Variants in SMOC1 observed in about 807,000 individuals in gnomAD.
SMOC1 encodes SPARC related modular calcium binding 1.
In SMOC1, 22 loss-of-function variants were observed where a neutral mutation model predicts 56.3. The observed-to-expected ratio is 0.39, with a 90% CI of 0.28 to 0.56. The LOEUF (loss-of-function observed/expected upper bound fraction) is 0.56, where lower values mean the gene tolerates loss of function less well. Ranked by LOEUF, SMOC1 falls within the 20% of genes least tolerant of loss-of-function variation. SMOC1 has a pLI of 0.61. For synonymous variants in SMOC1, 193 were observed against 215.0 expected (o/e 0.90, Z 0.89); for missense variants, 509 against 565.4 (o/e 0.90, Z 1.01).
At chr14:69,996,445 G>A (rs567289028) in intron 7 of SMOC1, among the ~76,000 whole-genome samples, 1 of 152,332 alleles carries the variant, frequency 6.6e-6, no homozygotes, top group South Asian at 2.1e-4. Flanking sequence ...TTATCCTTGG[G>A]AATAGAATGC....
chr14:69,879,797 T>C lies in SMOC1; in HGVS notation c.99+20T>C, dbSNP rs1001466151. On this transcript the variant is annotated intron_variant, in intron 1 of 11. Transcript: ENST00000361956. ...CCCAGGGTAAGTGCGCCCCCAGCTT[T>C]GCGCCCACCTGCGGAGGGAGGGGAG... 1 of 1,568,016 alleles carries C rather than the reference T, an allele frequency of 6.4e-7. No homozygotes were observed. The highest frequency in any genetic ancestry group is 1.4e-5 in the African/African-American group (1 of 74,046).
rs573207858 is a variant in SMOC1, at chr14:69,918,785, T to C, written c.100-33353T>C. 8.5e-5 allele frequency among the ~76,000 whole-genome samples: 13 copies of C among 152,300 alleles called. No individual in the cohort carries two copies. In the South Asian group the frequency reaches 2.3e-3, roughly 27 times the overall value. On this transcript the variant is annotated intron_variant, in intron 1 of 11. Transcript: ENST00000361956. ...TGTTATTATTCTGAGAGGTAACACT[T>C]TTCATAGCTGCCCAGCTGCCACAGA...
chr14:69,944,553 AG>A (rs1882709839), intron 1 of SMOC1, among the ~76,000 whole-genome samples: 1 of 152,214 alleles, frequency 6.6e-6, no homozygotes, highest in Non-Finnish European at 1.5e-5. Context: ...AAATGAATTT[AG>A]GGTGTCAAAA....
intron 7 of SMOC1, among the ~76,000 whole-genome samples, chr14:70,007,581 A>G (rs1375001007): frequency 6.6e-6 from 1 of 152,216 alleles, no homozygotes; most frequent in African/African-American, 2.4e-5. Context: ...CACTGTAAAA[A>G]TAAATTTATT....
chr14:69,913,859 A>C (rs1045498986), intron 1 of SMOC1, among the ~76,000 whole-genome samples: 2 of 152,218 alleles, frequency 1.3e-5, no homozygotes, highest in African/African-American at 4.8e-5. Context: ...ATGTTTCCTT[A>C]TCTCCTTGGC....
chr14:69,923,927 C>T (rs1347918549), intron 1 of SMOC1, among the ~76,000 whole-genome samples: 1 of 152,124 alleles, frequency 6.6e-6, no homozygotes, highest in East Asian at 1.9e-4. Context: ...GTGTAACCTC[C>T]CTAGGGTCCC....
chr14:69,927,951 CAG>C (rs1230609791), intron 1 of SMOC1, among the ~76,000 whole-genome samples: 2 of 152,144 alleles, frequency 1.3e-5, no homozygotes, highest in East Asian at 3.9e-4. Context: ...GAAGAATAAA[CAG>C]AGGGGTGAAG....
chr14:69,927,081 A>AT (rs1885032400), intron 1 of SMOC1, among the ~76,000 whole-genome samples: 1 of 152,228 alleles, frequency 6.6e-6, no homozygotes, highest in South Asian at 2.1e-4. Context: ...TTATCATGCC[A>AT]TTTTACAGAT....
chr14:70,011,464 C>G (rs200832367), intron 8 of SMOC1, 21 bp from the exon 9 acceptor site: 2 of 1,584,856 alleles, frequency 1.3e-6, no homozygotes, highest in East Asian at 2.2e-5. Context: ...CCCAACCCCC[C>G]CCATATCTCT....
chr14:69,922,861 G>A (rs950072073), intron 1 of SMOC1, among the ~76,000 whole-genome samples: 2 of 152,000 alleles, frequency 1.3e-5, no homozygotes, highest in Non-Finnish European at 2.9e-5. Flanking sequence ...CCCATCTGTT[G>A]TCACATCAAC....
At position 69,966,430 on chromosome 14, in the gene SMOC1, T is replaced by C. The variant is rs115692282; in HGVS notation, c.379-9285T>C. Reference sequence around the variant, plus strand: ...ATTCTTCACCATATAATTGGATTGGTGGTCTTAACACTGACAATTAGGTAC... The same window carrying C: ...ATTCTTCACCATATAATTGGATTGGCGGTCTTAACACTGACAATTAGGTAC... On this transcript the variant is annotated intron_variant, in intron 3 of 11. Transcript: ENST00000361956. 9.4e-3 allele frequency among the ~76,000 whole-genome samples: 1,434 copies of C among 152,344 alleles called. 14 individuals are homozygous for C. The highest frequency in any genetic ancestry group is 0.033 in the African/African-American group (1,371 of 41,572).
Position 70,030,381 on chromosome 14 carries a change from G to T in SMOC1, c.*123G>T. On this transcript the variant is annotated 3_prime_UTR_variant, in exon 12 of 12. Transcript: ENST00000361956. ...GTGTAACATAAGTGGTGCCCACCAT[G>T]TTTGCACTTTTAATAACTCTTACTT... 7.9e-7 allele frequency: 1 copy of T among 1,270,388 alleles called. No individual in the cohort carries two copies. The highest frequency in any genetic ancestry group is 1.3e-5 in the South Asian group (1 of 75,716). The allele number at this position is 1,270,388 out of a possible 1,614,324, so 78.7% of individuals were successfully genotyped here. A position where few individuals can be genotyped will look rare whatever the true frequency, so the allele number is the denominator to read the frequency against.
intron 9 of SMOC1, among the ~76,000 whole-genome samples, chr14:70,012,010 A>G (rs973598356): frequency 6.6e-5 from 10 of 152,330 alleles, no homozygotes; most frequent in Non-Finnish European, 1.2e-4. Context: ...GACACAAGAC[A>G]CATAGGCAGG....
At chr14:69,892,919 A>G (rs771275893) in intron 1 of SMOC1, among the ~76,000 whole-genome samples, 49 of 152,206 alleles carry the variant, frequency 3.2e-4, no homozygotes, top group Admixed American at 1.8e-3. Flanking sequence ...GTTTCTTCGA[A>G]TCAAGGTCCA....
At chr14:69,932,869 G>C (rs1446662199) in intron 1 of SMOC1, among the ~76,000 whole-genome samples, 1 of 152,150 alleles carries the variant, frequency 6.6e-6, no homozygotes, top group Non-Finnish European at 1.5e-5. Flanking sequence ...GTCACCTTCT[G>C]TAAGCCGATG....
At chr14:69,971,367 G>A (rs371555174) in intron 3 of SMOC1, among the ~76,000 whole-genome samples, 6 of 152,208 alleles carry the variant, frequency 3.9e-5, no homozygotes, top group African/African-American at 1.2e-4. Flanking sequence ...TAAGCAGAAG[G>A]TAACCTCACT....
chr14:69,896,011 A>G (rs1250886400), intron 1 of SMOC1, among the ~76,000 whole-genome samples: 5 of 152,030 alleles, frequency 3.3e-5, no homozygotes, highest in African/African-American at 1.2e-4. Flanking sequence ...CACCTGGCTA[A>G]TTTTTAAATT....
intron 10 of SMOC1, among the ~76,000 whole-genome samples, chr14:70,022,103 A>C (rs1466372673): frequency 1.3e-5 from 2 of 152,226 alleles, no homozygotes; most frequent in Non-Finnish European, 2.9e-5. Flanking sequence ...CCTAGATCAC[A>C]GTCACTCAGT....
chr14:69,883,505 T>C (rs1423532589), intron 1 of SMOC1, among the ~76,000 whole-genome samples: 1 of 152,224 alleles, frequency 6.6e-6, no homozygotes, highest in Non-Finnish European at 1.5e-5. Context: ...ATATATACCA[T>C]ATTTTCTCTA....
Sources: gnomAD v4.1 joint callset for allele counts (sites outside exome capture counted in the v4.1 genomes callset) on GRCh38, gnomAD v4.1.1 for gene constraint, MANE v1.5 for transcripts, NCBI Gene and HGNC (gene_info 2026-07-23, HGNC 2026-07-21) for gene names.